PTPRB: variants seen among roughly 807,000 people sequenced by gnomAD.
PTPRB encodes the protein protein tyrosine phosphatase receptor type B.
A neutral mutation model predicts 238.1 loss-of-function variants in PTPRB; 97 were observed. The ratio of observed to expected loss-of-function variants is 0.41; its 90% confidence interval spans 0.35 to 0.48. PTPRB has a LOEUF of 0.48. PTPRB is among the 20% of genes least tolerant of loss of function. PTPRB has a pLI of 0.30. For synonymous variants in PTPRB, 970 were observed against 995.4 expected (o/e 0.97, Z 0.48); for missense variants, 2,292 against 2,681.9 (o/e 0.85, Z 3.21).
chr12:70,618,233 G>A (rs2136568344), intron 3 of PTPRB, among the ~76,000 whole-genome samples: 1 of 152,218 alleles, frequency 6.6e-6, no homozygotes, highest in Admixed American at 6.5e-5. Flanking sequence ...CCCAGTAGCT[G>A]GGATCACAGG....
At chr12:70,624,255 TA>T (rs1330580249) in intron 2 of PTPRB, among the ~76,000 whole-genome samples, 9 of 152,218 alleles carry the variant, frequency 5.9e-5, no homozygotes, top group Admixed American at 1.3e-4. Flanking sequence ...ATACTTATAC[TA>T]AAGATTATTT....
rs147194756 is a variant in PTPRB at position 70,531,023 on chromosome 12, T to G, written c.6504+1012A>C. On this transcript the variant is annotated intron_variant, in intron 32 of 33. Transcript: ENST00000334414. ...TGCAGGAGGCAATGATGCCATTGTT[T>G]TGTCAAATGTGAGTTCTGCAGAATA... is the stretch of plus-strand genomic sequence containing the variant. Among the ~76,000 whole-genome samples the G allele has an allele frequency of 1.7e-3, 264 of 152,368 alleles. 1 individual carries two copies. The highest frequency in any genetic ancestry group is 6.1e-3 in the African/African-American group (255 of 41,596).
chr12:70,636,154 T>C, intron 1 of PTPRB, 88 bp from the exon 2 acceptor site: 1 of 1,240,792 alleles, frequency 8.1e-7, no homozygotes, highest in Non-Finnish European at 1.1e-6. Context: ...ATGAGCTAAA[T>C]AAAATCACTA....
chr12:70,532,129 C>T lies in PTPRB; in HGVS notation c.6410G>A (p.Arg2137Gln), dbSNP rs200824991. 120 of 1,613,560 alleles carry T rather than the reference C, an allele frequency of 7.4e-5. No homozygotes were observed. The highest frequency in any genetic ancestry group is 9.7e-5 in the Non-Finnish European group (115 of 1,179,792). The change falls in exon 32 of 34, where the codon CGA becomes CAA. Residue 2137 changes from arginine (R) to glutamine (Q), a missense_variant. Coordinates refer to ENST00000334414, the MANE Select transcript of PTPRB (RefSeq NM_001109754.4). ...GRTGTFIALD[R>Q]ILQQLDSKDS... ...TTTGGAGTCTAACTGCTGGAGGATT[C>T]GGTCCAATGCAATAAAGGTTCCAGT... is the stretch of plus-strand genomic sequence containing the variant.
chr12:70,525,069 G>A (rs1388824984), intron 32 of PTPRB, among the ~76,000 whole-genome samples: 3 of 151,848 alleles, frequency 2.0e-5, no homozygotes, highest in Non-Finnish European at 4.4e-5. Flanking sequence ...TTGAGTAGAT[G>A]AACAAATGCC....
rs960253556 is a variant in PTPRB at position 70,626,909 on chromosome 12, T to C, written c.452-4263A>G. 5.9e-5 allele frequency among the ~76,000 whole-genome samples: 9 copies of C among 151,638 alleles called. No homozygotes were observed. In the East Asian group the frequency reaches 1.2e-3, roughly 20 times the overall value. On this transcript the variant is annotated intron_variant, in intron 2 of 33. Transcript: ENST00000334414. ...AAAATATAATTAGTGAAATAAAGAG[T>C]GCACCTAAAATACATATCTAAATTA... is the stretch of plus-strand genomic sequence containing the variant.
Position 70,609,328 on chromosome 12 carries a change from C to T in PTPRB, c.720G>A (p.Ala240=), listed in dbSNP as rs1439172596. 5.6e-6 allele frequency: 9 copies of T among 1,613,672 alleles called. No individual in the cohort carries two copies. Among genetic ancestry groups the T allele is most frequent in the East Asian group, 4.5e-5 (2 of 44,872 alleles). ...FSSTTEETGL[A]EPERCNFTLA... ...GGGTGAAGTTACATCTCTCTGGCTC[C>T]GCCAGTCCAGTCTGCAAAGGAATCA... The change falls in exon 4 of 34, where the codon GCG becomes GCA. Residue 240 remains alanine, a synonymous_variant. Coordinates refer to ENST00000334414, the MANE Select transcript of PTPRB (RefSeq NM_001109754.4).
chr12:70,626,354 T>C (rs1885193131), intron 2 of PTPRB, among the ~76,000 whole-genome samples: 3 of 139,150 alleles, frequency 2.2e-5, no homozygotes, highest in South Asian at 2.3e-4. Context: ...TATCTATCTA[T>C]CTATCTATCT....
intron 12 of PTPRB, 105 bp from the exon 13 acceptor site, chr12:70,571,394 C>G: frequency 9.0e-7 from 1 of 1,114,900 alleles, no homozygotes; most frequent in Non-Finnish European, 1.3e-6. Context: ...TCTCCCTTCC[C>G]CAAATAAACC....
At chr12:70,629,436 A>G (rs917585600) in intron 2 of PTPRB, among the ~76,000 whole-genome samples, 1 of 152,256 alleles carries the variant, frequency 6.6e-6, no homozygotes, top group African/African-American at 2.4e-5. Flanking sequence ...TCTGGGACAC[A>G]TTTAAAGCAG....
At chr12:70,571,683 G>T in intron 12 of PTPRB, 141 bp downstream of exon 12, 3 of 943,574 alleles carry the variant, frequency 3.2e-6, no homozygotes, top group Non-Finnish European at 3.1e-6. Context: ...CCATGGCTTG[G>T]CTGAATGATG....
intron 3 of PTPRB, among the ~76,000 whole-genome samples, chr12:70,615,574 T>C (rs17108396): frequency 0.13 from 19,471 of 152,200 alleles, 2,533 homozygotes; most frequent in African/African-American, 0.33. Context: ...AACAGCCAAA[T>C]AATTTATAAT....
intron 22 of PTPRB, among the ~76,000 whole-genome samples, chr12:70,543,221 GT>G (rs1374361152): frequency 1.3e-5 from 2 of 152,254 alleles, no homozygotes; most frequent in Middle Eastern, 6.8e-3. Flanking sequence ...TTGTAAAAGT[GT>G]TACTGTGTTA....
chr12:70,556,432 G>A (rs1042360208), intron 18 of PTPRB, among the ~76,000 whole-genome samples: 1 of 152,148 alleles, frequency 6.6e-6, no homozygotes, highest in African/African-American at 2.4e-5. Context: ...GACAGTCTCT[G>A]AGCCTGAGGA....
At chr12:70,563,520 T>C (rs1430260978) in intron 15 of PTPRB, among the ~76,000 whole-genome samples, 1 of 152,224 alleles carries the variant, frequency 6.6e-6, no homozygotes, top group East Asian at 1.9e-4. Flanking sequence ...TACAAGGTGT[T>C]ATTTCCCATG....
intron 31 of PTPRB, among the ~76,000 whole-genome samples, 195 bp downstream of exon 31, chr12:70,534,293 G>A (rs1873748570): frequency 6.6e-6 from 1 of 152,150 alleles, no homozygotes; most frequent in Admixed American, 6.6e-5. Context: ...GAAGAAAGTG[G>A]AAAAGAAGTC....
chr12:70,548,606 G>A (rs538895890), intron 21 of PTPRB, among the ~76,000 whole-genome samples: 20 of 152,238 alleles, frequency 1.3e-4, no homozygotes, highest in East Asian at 7.7e-4. Flanking sequence ...AGATAAAAAG[G>A]ACCTTTAGGA....
chr12:70,574,041 GACATTAT>G, intron 11 of PTPRB, among the ~76,000 whole-genome samples: 1 of 152,228 alleles, frequency 6.6e-6, no homozygotes, highest in East Asian at 1.9e-4. Flanking sequence ...ACGGTAACTG[GACATTAT>G]ACATATTAAT....
At chr12:70,595,129 C>T (rs543964722) in intron 5 of PTPRB, among the ~76,000 whole-genome samples, 35 of 152,134 alleles carry the variant, frequency 2.3e-4, no homozygotes, top group Middle Eastern at 3.4e-3. Flanking sequence ...TAAAAAAGGA[C>T]GAGTTCATGT....
Sources: gnomAD v4.1 joint callset for allele counts (sites outside exome capture counted in the v4.1 genomes callset) on GRCh38, gnomAD v4.1.1 for gene constraint, MANE v1.5 for transcripts, NCBI Gene and HGNC (gene_info 2026-07-23, HGNC 2026-07-21) for gene names.